Variants in UGT2A3 observed in about 807,000 individuals in gnomAD.
UGT2A3 encodes the protein UDP glucuronosyltransferase family 2 member A3, also known as UDP-glucuronosyltransferase 2A3.
In UGT2A3, 55 loss-of-function variants were observed where a neutral mutation model predicts 44.1. The ratio of observed to expected loss-of-function variants is 1.25; its 90% CI spans 1.00 to 1.56. The LOEUF is 1.56. UGT2A3 is among the 40% of genes most tolerant of loss of function. The pLI, the probability that UGT2A3 is intolerant of heterozygous loss-of-function variation, is 0.00. For synonymous variants in UGT2A3, 243 were observed against 215.1 expected (o/e 1.13, Z -1.13); for missense variants, 733 against 621.6 (o/e 1.18, Z -1.91).
chr4:68,951,161 T>A lies in UGT2A3; in HGVS notation c.600A>T (p.Thr200=). 6.2e-7 allele frequency: 1 copy of A among 1,612,064 alleles called. No individual in the cohort carries two copies. The highest frequency in any genetic ancestry group is 8.5e-7 in the Non-Finnish European group (1 of 1,179,004). The change falls in exon 1 of 6, where the codon ACA becomes ACT. Residue 200 remains threonine (T), a synonymous_variant. Coordinates refer to ENST00000251566, the MANE Select transcript of UGT2A3 (RefSeq NM_024743.4). ...SYVPVPMTGL[T]DRMTFLERVK... is the part of the protein sequence containing the mutation. ...CTCTTTCCAGAAAGGTCATTCTGTC[T>A]GTTAGTCCTGTCATAGGCACAGGTA...
intron 1 of UGT2A3, among the ~76,000 whole-genome samples, chr4:68,948,816 A>C (rs1170401999): frequency 1.3e-5 from 2 of 151,830 alleles, no homozygotes; most frequent in African/African-American, 4.8e-5. Context: ...TTGTTGCTAC[A>C]AAGGAACAAC....
Position 68,929,703 on chromosome 4 carries a change from A to G in UGT2A3, c.*110T>C. ...CGTGGAATTCTAGGCTATATAGCTAAGATAAAATAACAGAATAGATAATAT... is the reference window on the plus strand; with the variant it reads ...CGTGGAATTCTAGGCTATATAGCTAGGATAAAATAACAGAATAGATAATAT... On this transcript the variant is annotated 3_prime_UTR_variant, in exon 6 of 6. Transcript: ENST00000251566. 1 of 1,040,692 alleles carries G rather than the reference A, an allele frequency of 9.6e-7. No homozygotes were observed. Among genetic ancestry groups the G allele is most frequent in the South Asian group, 1.7e-5 (1 of 57,958 alleles). The allele number at this position is 1,040,692 out of a possible 1,614,324, so 64.5% of individuals were successfully genotyped here. A position where few individuals can be genotyped will look rare whatever the true frequency, so the allele number is the denominator to read the frequency against.
At chr4:68,941,474 A>G (rs1718184417) in intron 2 of UGT2A3, among the ~76,000 whole-genome samples, 1 of 151,926 alleles carries the variant, frequency 6.6e-6, no homozygotes, top group Non-Finnish European at 1.5e-5. Context: ...CCCTCACCAT[A>G]TACAAAGTAA....
Position 68,929,998 on chromosome 4 carries a change from G to A in UGT2A3, c.1399C>T (p.Arg467Cys), listed in dbSNP as rs756407181. 3.8e-5 allele frequency: 61 copies of A among 1,613,472 alleles called. No homozygotes were observed. The highest frequency in any genetic ancestry group is 1.8e-4 in the Admixed American group (11 of 59,950). Residue 467 changes from arginine (R) to cysteine (C), a missense_variant, in exon 6 of 6, where the codon CGC becomes TGC. Transcript: ENST00000251566. Reference protein sequence around the residue: ...RAVFWIEFVMRHKGAKHLRSA... With the variant: ...RAVFWIEFVMCHKGAKHLRSA... ...CGCAGGTGCTTGGCTCCTTTGTGGC[G>A]CATGACAAACTCGATCCAGAAGACT...
intron 3 of UGT2A3, 54 bp downstream of exon 3, chr4:68,932,574 C>T: frequency 1.9e-6 from 3 of 1,546,698 alleles, no homozygotes; most frequent in Non-Finnish European, 2.6e-6. Flanking sequence ...CAAATAAAAC[C>T]ATACTGTTTC....
intron 4 of UGT2A3, 101 bp from the exon 5 acceptor site, chr4:68,930,866 C>A (rs1245045004): frequency 9.8e-7 from 1 of 1,016,792 alleles, no homozygotes; most frequent in South Asian, 1.8e-5. Context: ...CTCACTGAAG[C>A]GTACAGCACT....
chr4:68,949,666 C>T (rs898542915), intron 1 of UGT2A3, among the ~76,000 whole-genome samples: 5 of 151,726 alleles, frequency 3.3e-5, no homozygotes, highest in Non-Finnish European at 7.4e-5. Flanking sequence ...TTGTGAAGGA[C>T]AATAAAGCAA....
chr4:68,928,989 A>G lies in UGT2A3; in HGVS notation c.*824T>C, dbSNP rs1235902654. On this transcript the variant is annotated 3_prime_UTR_variant, in exon 6 of 6. Coordinates refer to ENST00000251566, the MANE Select transcript of UGT2A3 (RefSeq NM_024743.4). ...TATTCATCATTTTTAAAGAATAAAC[A>G]TATAAATCTTCTTTAAGTGTACTAT... 1 of 152,080 alleles carries G rather than the reference A, an allele frequency of 6.6e-6. No homozygotes were observed. The highest frequency in any genetic ancestry group is 1.5e-5 in the Non-Finnish European group (1 of 67,992). The allele number at this position is 152,080 out of a possible 1,614,324, so 9.4% of individuals were successfully genotyped here. A position where few individuals can be genotyped will look rare whatever the true frequency, so the allele number is the denominator to read the frequency against.
At chr4:68,938,874 G>A (rs1399962749) in intron 2 of UGT2A3, among the ~76,000 whole-genome samples, 1 of 152,072 alleles carries the variant, frequency 6.6e-6, no homozygotes, top group African/African-American at 2.4e-5. Flanking sequence ...CAAAATCAAT[G>A]AGCAAAAATC....
chr4:68,933,895 A>G (rs1311624465), intron 2 of UGT2A3, among the ~76,000 whole-genome samples: 2 of 151,992 alleles, frequency 1.3e-5, no homozygotes, highest in Non-Finnish European at 2.9e-5. Flanking sequence ...ATTAACTACA[A>G]GCTCTCCTCA....
chr4:68,940,506 C>T (rs969369182), intron 2 of UGT2A3, among the ~76,000 whole-genome samples: 1 of 151,832 alleles, frequency 6.6e-6, no homozygotes, highest in Non-Finnish European at 1.5e-5. Flanking sequence ...AATGAGAACA[C>T]ATGGACACAG....
chr4:68,934,728 A>G (rs2109780432), intron 2 of UGT2A3, among the ~76,000 whole-genome samples: 1 of 127,010 alleles, frequency 7.9e-6, no homozygotes, highest in South Asian at 2.9e-4. Flanking sequence ...GCCAGTCTTG[A>G]TGGTGTATGC....
Position 68,932,701 on chromosome 4 carries a change from C to A in UGT2A3, c.923G>T (p.Gly308Val), listed in dbSNP as rs1386435293. The change falls in exon 3 of 6, where the codon GGG (glycine) becomes GTG (valine). Residue 308 changes from glycine to valine, a missense_variant. Coordinates refer to ENST00000251566, the MANE Select transcript of UGT2A3 (RefSeq NM_024743.4). Reference protein sequence around the residue: ...GEDGIVVFSLGSLFQNVTEEK... With the variant: ...GEDGIVVFSLVSLFQNVTEEK... Reference sequence around the variant, plus strand: ...TTCTGTAACATTTTGAAACAGTGACCCCAGAGAAAACACCACAATACCATC... The same window carrying A: ...TTCTGTAACATTTTGAAACAGTGACACCAGAGAAAACACCACAATACCATC... 8 of 1,610,314 alleles carry A rather than the reference C, an allele frequency of 5.0e-6. No homozygotes were observed. Among genetic ancestry groups the A allele is most frequent in the Non-Finnish European group, 6.8e-6 (8 of 1,177,872 alleles).
intron 2 of UGT2A3, among the ~76,000 whole-genome samples, chr4:68,938,843 C>A (rs1340894603): frequency 6.6e-6 from 1 of 152,180 alleles, no homozygotes; most frequent in Non-Finnish European, 1.5e-5. Flanking sequence ...TGATAAGCAA[C>A]TTCAGCAAAG....
At chr4:68,939,166 G>A (rs748318058) in intron 2 of UGT2A3, among the ~76,000 whole-genome samples, 35 of 152,090 alleles carry the variant, frequency 2.3e-4, no homozygotes, top group Middle Eastern at 3.4e-3. Context: ...TCAAGCTACC[G>A]ATGGCTTTCT....
At chr4:68,932,862 T>G (rs1717788052) in intron 2 of UGT2A3, 103 bp from the exon 3 acceptor site, 4 of 1,189,692 alleles carry the variant, frequency 3.4e-6, no homozygotes, top group Non-Finnish European at 4.7e-6. Context: ...ATTATTAATG[T>G]GTAGTTATAT....
chr4:68,932,334 AT>A (rs539044685), intron 3 of UGT2A3, among the ~76,000 whole-genome samples: 9 of 150,730 alleles, frequency 6.0e-5, no homozygotes, highest in South Asian at 2.1e-4. Context: ...AGATGTCAGA[AT>A]TTTTTTTTGG....
chr4:68,943,430 T>C, intron 2 of UGT2A3: 1 of 759,236 alleles, frequency 1.3e-6, no homozygotes, highest in Non-Finnish European at 1.8e-6. Flanking sequence ...TATTCATCAA[T>C]ACACATCTTA....
chr4:68,941,089 T>C (rs1025139339), intron 2 of UGT2A3, among the ~76,000 whole-genome samples: 2 of 151,658 alleles, frequency 1.3e-5, no homozygotes, highest in Non-Finnish European at 2.9e-5. Context: ...AGCTAGTTGT[T>C]TTACAAAACC....
Sources: allele counts gnomAD v4.1 joint callset (sites outside exome capture counted in the v4.1 genomes callset), GRCh38; gene constraint gnomAD v4.1.1; transcripts MANE v1.5; gene names NCBI Gene and HGNC (gene_info 2026-07-23, HGNC 2026-07-21).